The following ZC3H12C variants were observed in gnomAD, a reference collection of about 807,000 sequenced individuals.
ZC3H12C encodes the protein probable ribonuclease ZC3H12C.
ZC3H12C carries 20 observed loss-of-function variants against 76.3 expected under a neutral mutation model. That is an observed-to-expected ratio of 0.26 (90% CI 0.18 to 0.38). The LOEUF is 0.38. Ranked by LOEUF, ZC3H12C falls within the 10% of genes least tolerant of loss-of-function variation. The pLI, the probability that ZC3H12C is intolerant of heterozygous loss-of-function variation, is 1.00. For missense variants in ZC3H12C, 874 were observed against 1,086.5 expected, an observed-to-expected ratio of 0.80 and a Z score of 2.75; for synonymous variants, 352 against 399.6, an observed-to-expected ratio of 0.88 and a Z score of 1.42.
intron 2 of ZC3H12C, among the ~76,000 whole-genome samples, chr11:110,150,921 A>T (rs1481064552): frequency 6.6e-6 from 1 of 152,158 alleles, no homozygotes; most frequent in Non-Finnish European, 1.5e-5. Flanking sequence ...GTATTCATAG[A>T]GCTGTGCCTA....
At chr11:110,156,944 G>A (rs1862386200) in intron 3 of ZC3H12C, among the ~76,000 whole-genome samples, 1 of 152,158 alleles carries the variant, frequency 6.6e-6, no homozygotes, top group South Asian at 2.1e-4. Flanking sequence ...ACTTTGGGAG[G>A]CCCAGGCGGG....
intron 3 of ZC3H12C, 139 bp downstream of exon 3, chr11:110,153,197 T>C (rs908823745): frequency 7.8e-6 from 9 of 1,147,506 alleles, no homozygotes; most frequent in Non-Finnish European, 1.1e-5. Flanking sequence ...TTTGTTGTTG[T>C]TGTTTTCTGA....
chr11:110,153,121 A>G (rs1191163515), intron 3 of ZC3H12C, 63 bp downstream of exon 3: 2 of 1,554,690 alleles, frequency 1.3e-6, no homozygotes, highest in African/African-American at 2.7e-5. Flanking sequence ...CAGGTGTCTG[A>G]CACTGTCAGG....
At position 110,136,811 on chromosome 11, in the gene ZC3H12C, C is replaced by T. The variant is rs746269536; in HGVS notation, c.170C>T (p.Ala57Val). The T allele has an allele frequency of 6.2e-7, 1 of 1,613,912 alleles. No individual in the cohort carries two copies. Among genetic ancestry groups the T allele is most frequent in the Non-Finnish European group, 8.5e-7 (1 of 1,179,876 alleles). The change falls in exon 2 of 6, where the codon GCT becomes GTT. Residue 57 changes from alanine to valine, a missense_variant. Physicochemically the swap from Ala to Val is moderately conservative, Grantham distance 64 (BLOSUM62 0). Coordinates refer to ENST00000278590, the MANE Select transcript of ZC3H12C (RefSeq NM_033390.2). ...AGCACTGACCCACAGTTAAGTCCAGCTGTACCTTGGTCAACAGTAGAAAAC... is the reference window on the plus strand; with the variant it reads ...AGCACTGACCCACAGTTAAGTCCAGTTGTACCTTGGTCAACAGTAGAAAAC... Reference protein sequence around the residue: ...VESTDPQLSPAVPWSTVENPS... With the variant: ...VESTDPQLSPVVPWSTVENPS...
At position 110,171,483 on chromosome 11, in the gene ZC3H12C, T is replaced by A. The variant is rs917626713; in HGVS notation, c.*5746T>A. On this transcript the variant is annotated 3_prime_UTR_variant, in exon 6 of 6. Coordinates refer to ENST00000278590, the MANE Select transcript of ZC3H12C (RefSeq NM_033390.2). ...CATCTGATAAACTAGTGTGATTGTA[T>A]TTATCCTCTGTTCTGTGTATTTCTG... The A allele has an allele frequency of 6.6e-6, 1 of 152,230 alleles. No homozygotes were observed. The highest frequency in any genetic ancestry group is 1.5e-5 in the Non-Finnish European group (1 of 68,042). 9.4% of individuals were successfully genotyped at this position (152,230 alleles called of 1,614,324 possible). A position where few individuals can be genotyped will look rare whatever the true frequency, so the allele number is the denominator to read the frequency against.
At chr11:110,114,362 C>T (rs1432156530) in intron 1 of ZC3H12C, among the ~76,000 whole-genome samples, 1 of 152,214 alleles carries the variant, frequency 6.6e-6, no homozygotes, top group African/African-American at 2.4e-5. Context: ...GTCTTTGTCT[C>T]TTGTACTCTA....
At position 110,153,071 on chromosome 11, in the gene ZC3H12C, C is replaced by T. The variant is rs990410703; in HGVS notation, c.913+13C>T. ...GCTCTCATTACAGGTAGGCTTATTCCAGGCGGCTGCTTGTACCTAGCTTTC... is the reference window on the plus strand; with the variant it reads ...GCTCTCATTACAGGTAGGCTTATTCTAGGCGGCTGCTTGTACCTAGCTTTC... On this transcript the variant is annotated intron_variant, in intron 3 of 5. Transcript: ENST00000278590. The T allele has an allele frequency of 1.2e-6, 2 of 1,607,504 alleles. No individual in the cohort carries two copies. The highest frequency in any genetic ancestry group is 1.3e-5 in the African/African-American group (1 of 74,728).
chr11:110,121,700 T>C (rs1278902932), intron 1 of ZC3H12C, among the ~76,000 whole-genome samples: 1 of 152,150 alleles, frequency 6.6e-6, no homozygotes, highest in Non-Finnish European at 1.5e-5. Flanking sequence ...AAATTATAAC[T>C]CAAGCTTTTC....
chr11:110,121,624 C>T (rs1861652444), intron 1 of ZC3H12C, among the ~76,000 whole-genome samples: 1 of 151,814 alleles, frequency 6.6e-6, no homozygotes, highest in Admixed American at 6.6e-5. Context: ...GCCTTTTGCA[C>T]AGCAGCACAC....
chr11:110,144,307 C>T (rs902717077), intron 2 of ZC3H12C, among the ~76,000 whole-genome samples: 1 of 152,166 alleles, frequency 6.6e-6, no homozygotes, highest in Admixed American at 6.5e-5. Flanking sequence ...TAGCATGTGT[C>T]GAAGACTTCG....
rs59512764 is a variant in ZC3H12C, at chr11:110,125,270, AGTGTGTGTGTGTGTGTGTGTGTGTGT to A, written c.22-11367_22-11342del. Among the ~76,000 whole-genome samples the A allele has an allele frequency of 9.1e-3, 1,265 of 138,780 alleles. 21 individuals are homozygous for A. Among genetic ancestry groups the A allele is most frequent in the African/African-American group, 0.032 (1,164 of 36,728 alleles). The allele number at this position is 138,780 out of a possible 152,430, so 91.0% of individuals were successfully genotyped here. On this transcript the variant is annotated intron_variant, in intron 1 of 5. Transcript: ENST00000278590. ...TGGGAACCATATAGGATCTCTCACT[AGTGTGTGTGTGTGTGTGTGTGTGTGT>A]GTGTGTGTGTGTGTGTGTGTGTGTG...
At chr11:110,158,627 C>A (rs891393043) in intron 3 of ZC3H12C, among the ~76,000 whole-genome samples, 2 of 152,198 alleles carry the variant, frequency 1.3e-5, no homozygotes, top group Non-Finnish European at 2.9e-5. Flanking sequence ...CTGACCCCCA[C>A]AAGAATGCTG....
chr11:110,146,399 A>G (rs767841441), intron 2 of ZC3H12C, among the ~76,000 whole-genome samples: 15 of 152,194 alleles, frequency 9.9e-5, no homozygotes, highest in Admixed American at 5.9e-4. Flanking sequence ...GGCAGGAAAA[A>G]CAAGCAAACA....
Position 110,106,044 on chromosome 11 carries a change from G to A in ZC3H12C, c.21+12612G>A, listed in dbSNP as rs1454234463. 2.1e-4 allele frequency among the ~76,000 whole-genome samples: 3 copies of A among 14,278 alleles called. 1 individual carries two copies. The highest frequency in any genetic ancestry group is 0.026 in the East Asian group (2 of 76). The allele number at this position is 14,278 out of a possible 152,430, so 9.4% of individuals were successfully genotyped here. A position where few individuals can be genotyped will look rare whatever the true frequency, so the allele number is the denominator to read the frequency against. The stretch of plus-strand genomic sequence containing the variant: ...AGCACTTTGGGAGGCCGAGGCGGGC[G>A]GATCACGAGGTCAGGAGATCGAGAC... On this transcript the variant is annotated intron_variant, in intron 1 of 5. Coordinates refer to ENST00000278590, the MANE Select transcript of ZC3H12C (RefSeq NM_033390.2).
chr11:110,132,102 C>T (rs1259296316), intron 1 of ZC3H12C, among the ~76,000 whole-genome samples: 1 of 152,136 alleles, frequency 6.6e-6, no homozygotes, highest in East Asian at 1.9e-4. Context: ...CATAGTATTA[C>T]CATTTGGATA....
chr11:110,150,710 C>T (rs887184993), intron 2 of ZC3H12C, among the ~76,000 whole-genome samples: 1 of 151,936 alleles, frequency 6.6e-6, no homozygotes, highest in African/African-American at 2.4e-5. Context: ...TTCCAGTTAT[C>T]TATATCCTTA....
At chr11:110,157,017 A>G (rs1317784936) in intron 3 of ZC3H12C, among the ~76,000 whole-genome samples, 1 of 152,044 alleles carries the variant, frequency 6.6e-6, no homozygotes, top group African/African-American at 2.4e-5. Flanking sequence ...CATCTCTACT[A>G]AAATTACAAA....
intron 1 of ZC3H12C, among the ~76,000 whole-genome samples, chr11:110,095,475 T>C (rs1861096826): frequency 6.6e-6 from 1 of 152,300 alleles, no homozygotes; most frequent in South Asian, 2.1e-4. Context: ...ACAAACAAGG[T>C]ATTAAGTAGG....
intron 1 of ZC3H12C, among the ~76,000 whole-genome samples, chr11:110,097,406 T>C (rs952586186): frequency 6.6e-6 from 1 of 152,188 alleles, no homozygotes; most frequent in African/African-American, 2.4e-5. Context: ...ACCTGGAACA[T>C]TTTAAACTAT....
Sources: allele counts gnomAD v4.1 joint callset (sites outside exome capture counted in the v4.1 genomes callset), GRCh38; gene constraint gnomAD v4.1.1; transcripts MANE v1.5; gene names NCBI Gene and HGNC (gene_info 2026-07-23, HGNC 2026-07-21).